PKD1L1: variants seen among roughly 807,000 people sequenced by gnomAD.
The protein encoded by PKD1L1 is polycystin-1-like protein 1.
PKD1L1 carries 236 observed loss-of-function variants against 323.4 expected under a neutral mutation model. The observed-to-expected ratio is 0.73, with a 90% CI of 0.66 to 0.81. The LOEUF (loss-of-function observed/expected upper bound fraction) is 0.81. Ranked by LOEUF, PKD1L1 falls within the 40% of genes least tolerant of loss-of-function variation. PKD1L1 has a pLI of 0.00. For synonymous variants in PKD1L1, 1,344 were observed against 1,335.0 expected (o/e 1.01, Z -0.15); for missense variants, 3,320 against 3,508.0 (o/e 0.95, Z 1.35).
intron 12 of PKD1L1, 106 bp from the exon 13 acceptor site, chr7:47,902,617 A>G (rs750551340): frequency 4.7e-5 from 63 of 1,329,718 alleles, no homozygotes; most frequent in Non-Finnish European, 6.1e-5. Flanking sequence ...AGTATTTGAC[A>G]GCAAGTCATC....
At chr7:47,890,382 C>T (rs189356554) in intron 16 of PKD1L1, among the ~76,000 whole-genome samples, 160 bp downstream of exon 16, 71 of 152,336 alleles carry the variant, frequency 4.7e-4, no homozygotes, top group African/African-American at 1.4e-3. Flanking sequence ...CTTCCCCAGC[C>T]GCTTTCTGAA....
intron 54 of PKD1L1, among the ~76,000 whole-genome samples, chr7:47,798,013 C>A (rs983213904): frequency 6.6e-6 from 1 of 152,046 alleles, no homozygotes; most frequent in African/African-American, 2.4e-5. Flanking sequence ...GATGCCAATT[C>A]CCCCCAAATT....
intron 51 of PKD1L1, 72 bp downstream of exon 51, chr7:47,809,401 T>A: frequency 8.3e-7 from 1 of 1,197,870 alleles, no homozygotes; most frequent in Non-Finnish European, 1.2e-6. Flanking sequence ...CAATTTCTTA[T>A]TTAAATTATT....
chr7:47,938,638 G>A (rs1787917447), intron 3 of PKD1L1, among the ~76,000 whole-genome samples: 1 of 152,198 alleles, frequency 6.6e-6, no homozygotes, highest in Non-Finnish European at 1.5e-5. Flanking sequence ...AGAGCGGCCA[G>A]AATGCAGCTT....
intron 4 of PKD1L1, among the ~76,000 whole-genome samples, chr7:47,932,629 CTGA>C (rs1787794222): frequency 6.6e-6 from 1 of 152,124 alleles, no homozygotes; most frequent in South Asian, 2.1e-4. Flanking sequence ...CCTCACCCTG[CTGA>C]TGAGCCCCAG....
intron 18 of PKD1L1, 146 bp downstream of exon 18, chr7:47,885,540 G>T: frequency 9.1e-7 from 1 of 1,100,784 alleles, no homozygotes; most frequent in Non-Finnish European, 1.3e-6. Context: ...TGCACAACCA[G>T]CAAGTGGTGG....
chr7:47,829,634 G>T (rs750614772), intron 43 of PKD1L1, 33 bp from the exon 44 acceptor site: 1 of 1,568,908 alleles, frequency 6.4e-7, no homozygotes, highest in South Asian at 1.2e-5. Context: ...GCAGAGAGCC[G>T]CCCTATGTCT....
In PKD1L1 at chr7:47,814,010, C is replaced by T. The variant is rs1192440784; in HGVS notation, c.7094G>A (p.Gly2365Glu). Residue 2365 changes from glycine (G) to glutamate (E), a missense_variant, in exon 48 of 57, where the codon GGA (glycine) becomes GAA (glutamate). Physicochemically the swap from Gly to Glu is moderately conservative, Grantham distance 98. Transcript: ENST00000289672. ...TAGGTAGCATTTTCCTCCAAGAGCTCCAGGCTGAAAGGAGAAAAAAGATGA... is the reference window on the plus strand; with the variant it reads ...TAGGTAGCATTTTCCTCCAAGAGCTTCAGGCTGAAAGGAGAAAAAAGATGA... ...PSARVPGAQPGALGGKCYLIG... is the reference protein window; with the variant it reads ...PSARVPGAQPEALGGKCYLIG... 1.9e-6 allele frequency: 3 copies of T among 1,613,574 alleles called. No homozygotes were observed. In the South Asian group the frequency reaches 3.3e-5, roughly 18 times the overall value.
At chr7:47,783,596 T>C (rs1032081778) in intron 56 of PKD1L1, among the ~76,000 whole-genome samples, 2 of 152,188 alleles carry the variant, frequency 1.3e-5, no homozygotes, top group African/African-American at 4.8e-5. Context: ...TAATCCAATA[T>C]GATTGTGTTA....
At chr7:47,950,819 G>A (rs1447969004), upstream of PKD1L1, among the ~76,000 whole-genome samples, 2 of 152,104 alleles carry the variant, frequency 1.3e-5, no homozygotes, top group Non-Finnish European at 2.9e-5. Context: ...GAACACCCTC[G>A]GGGCCAGCGC....
chr7:47,834,914 T>C (rs1785424256), intron 39 of PKD1L1, 53 bp downstream of exon 39: 1 of 1,492,438 alleles, frequency 6.7e-7, no homozygotes, highest in Admixed American at 1.8e-5. Flanking sequence ...AGTAGATTGG[T>C]GCAAAAGGCT....
At chr7:47,853,095 GA>G (rs1172924080) in intron 31 of PKD1L1, 31 bp downstream of exon 31, 9 of 1,437,350 alleles carry the variant, frequency 6.3e-6, no homozygotes, top group Non-Finnish European at 8.8e-6. Context: ...CATGTAAACA[GA>G]AAGGGAAAAT....
intron 6 of PKD1L1, 72 bp from the exon 7 acceptor site, chr7:47,929,598 A>T (rs1787726866): frequency 2.8e-6 from 4 of 1,405,518 alleles, no homozygotes; most frequent in Non-Finnish European, 3.9e-6. Context: ...GAAGCCAAGC[A>T]GCCTGGCCTG....
intron 27 of PKD1L1, 133 bp downstream of exon 27, chr7:47,858,540 C>A: frequency 1.4e-6 from 1 of 731,880 alleles, no homozygotes; most frequent in Non-Finnish European, 2.2e-6. Context: ...TACCAAAATG[C>A]CACCCAGAAG....
At chr7:47,807,733 C>A (rs555312879) in intron 52 of PKD1L1, among the ~76,000 whole-genome samples, 1 of 152,128 alleles carries the variant, frequency 6.6e-6, no homozygotes, top group Non-Finnish European at 1.5e-5. Context: ...GAGCCCCCAT[C>A]CCTGTGGGGA....
At chr7:47,880,267 T>TAGATAGATAGATAGATAG (rs1786514922) in intron 21 of PKD1L1, among the ~76,000 whole-genome samples, 3 of 77,558 alleles carry the variant, frequency 3.9e-5, no homozygotes, top group African/African-American at 2.2e-4. Context: ...TATATATACA[T>TAGATAGATAGATAGATAG]ATATATATAT....
chr7:47,922,442 C>T (rs1372362489), intron 7 of PKD1L1, among the ~76,000 whole-genome samples: 1 of 151,812 alleles, frequency 6.6e-6, no homozygotes, highest in Non-Finnish European at 1.5e-5. Context: ...CTCTTCCCGG[C>T]CGTCATCCCG....
At chr7:47,777,484 A>C (rs1209182264) in intron 56 of PKD1L1, among the ~76,000 whole-genome samples, 1 of 152,152 alleles carries the variant, frequency 6.6e-6, no homozygotes, top group Non-Finnish European at 1.5e-5. Context: ...CATCTGCCCT[A>C]CCTCTCAACT....
chr7:47,785,961 C>T (rs1027235446), intron 56 of PKD1L1, among the ~76,000 whole-genome samples: 1 of 152,016 alleles, frequency 6.6e-6, no homozygotes, highest in Non-Finnish European at 1.5e-5. Context: ...AAGCTGGTCT[C>T]GAACTCCTTA....
Sources: gnomAD v4.1 joint callset for allele counts (sites outside exome capture counted in the v4.1 genomes callset) on GRCh38, gnomAD v4.1.1 for gene constraint, MANE v1.5 for transcripts, NCBI Gene and HGNC (gene_info 2026-07-23, HGNC 2026-07-21) for gene names.